The following ACTR3C variants were observed in gnomAD, a reference collection of about 807,000 sequenced individuals.
ACTR3C encodes the protein actin related protein 3C, also known as actin-related protein 3C.
Under a neutral mutation model 26.3 loss-of-function variants are expected in ACTR3C, and 18 were observed. That is an observed-to-expected ratio of 0.68 (90% CI 0.47 to 1.01). The LOEUF is 1.01. Among genes scored for constraint, ACTR3C ranks in the 50% least tolerant of loss-of-function variants. The pLI, the probability that ACTR3C is intolerant of heterozygous loss-of-function variation, is 0.00. For missense variants in ACTR3C, 184 were observed against 250.7 expected, an observed-to-expected ratio of 0.73 and a Z score of 1.80; for synonymous variants, 55 against 94.5, an observed-to-expected ratio of 0.58 and a Z score of 2.42.
chr7:150,290,612 A>G (rs1352513834), intron 3 of ACTR3C, among the ~76,000 whole-genome samples: 2 of 152,252 alleles, frequency 1.3e-5, no homozygotes, highest in African/African-American at 4.8e-5. Flanking sequence ...TAATAGCTGC[A>G]TCTAGTCACC....
chr7:149,892,151 G>T, the ACTR3C span: 3 of 1,098,624 alleles, frequency 2.7e-6, no homozygotes, highest in East Asian at 5.5e-5. Flanking sequence ...TCAAACATAA[G>T]AATTCAAACA....
At chr7:149,988,109 G>T in the ACTR3C span, among the ~76,000 whole-genome samples, 1 of 152,224 alleles carries the variant, frequency 6.6e-6, no homozygotes, top group Admixed American at 6.5e-5. Flanking sequence ...TGCCCCAGTG[G>T]CTCCCCAGCC....
chr7:150,073,724 T>A, the ACTR3C span: 1 of 150,790 alleles, frequency 6.6e-6, no homozygotes, highest in Admixed American at 6.6e-5. Flanking sequence ...TTTCCATTCA[T>A]GTGGACTCTG....
the ACTR3C span, among the ~76,000 whole-genome samples, chr7:149,948,397 G>A: frequency 1.0e-4 from 15 of 150,718 alleles, no homozygotes; most frequent in Middle Eastern, 3.4e-3. Flanking sequence ...TCACCTCATC[G>A]CTCCACTTTC....
the ACTR3C span, among the ~76,000 whole-genome samples, chr7:149,898,855 A>G: frequency 8.1e-3 from 1,232 of 152,230 alleles, 23 homozygotes; most frequent in African/African-American, 0.027. Flanking sequence ...TATTCCAAAT[A>G]TTTTGTCTAT....
chr7:149,940,171 T>C, the ACTR3C span, among the ~76,000 whole-genome samples: 1,129 of 152,340 alleles, frequency 7.4e-3, 11 homozygotes, highest in African/African-American at 0.026. Context: ...CTCCATTAAA[T>C]TCAAGGTCTA....
the ACTR3C span, among the ~76,000 whole-genome samples, chr7:149,899,157 C>A: frequency 2.0e-5 from 3 of 151,574 alleles, no homozygotes; most frequent in African/African-American, 7.3e-5. Context: ...AAATAAGAAC[C>A]TCATAACATA....
chr7:150,177,594 T>A, the ACTR3C span, among the ~76,000 whole-genome samples: 1 of 150,902 alleles, frequency 6.6e-6, no homozygotes, highest in East Asian at 1.9e-4. Flanking sequence ...GATATCTCTG[T>A]TAATTAAGGT....
chr7:149,983,449 G>GTATATATATATATATATATATA, the ACTR3C span, among the ~76,000 whole-genome samples: 10 of 23,304 alleles, frequency 4.3e-4, no homozygotes, highest in African/African-American at 1.0e-3. Flanking sequence ...GTGTGTGTGT[G>GTATATATATATATATATATATA]TATATATATA....
At chr7:150,023,340 T>TACATACATAC in the ACTR3C span, among the ~76,000 whole-genome samples, 33 of 93,508 alleles carry the variant, frequency 3.5e-4, no homozygotes, top group African/African-American at 5.9e-4. Flanking sequence ...CATACATACA[T>TACATACATAC]ATATATTTTA....
chr7:150,214,535 A>G, the ACTR3C span, among the ~76,000 whole-genome samples: 1 of 151,752 alleles, frequency 6.6e-6, no homozygotes, highest in African/African-American at 2.4e-5. Context: ...AGAGAAAAGT[A>G]TCTTGGAAAA....
At chr7:150,237,516 T>C in the ACTR3C span, among the ~76,000 whole-genome samples, 1 of 151,908 alleles carries the variant, frequency 6.6e-6, no homozygotes, top group African/African-American at 2.4e-5. Context: ...CCCACACTGG[T>C]CACTTGACTA....
chr7:150,087,156 T>C, the ACTR3C span, among the ~76,000 whole-genome samples: 4 of 146,422 alleles, frequency 2.7e-5, no homozygotes, highest in East Asian at 7.8e-4. Flanking sequence ...TTTTTTTAAC[T>C]TCTAGAACAA....
chr7:150,066,091 T>C, the ACTR3C span, among the ~76,000 whole-genome samples: 1 of 152,078 alleles, frequency 6.6e-6, no homozygotes, highest in Non-Finnish European at 1.5e-5. Context: ...CCAAAACAAA[T>C]GTTATCTTAA....
At chr7:150,139,500 G>A in the ACTR3C span, among the ~76,000 whole-genome samples, 15 of 152,282 alleles carry the variant, frequency 9.9e-5, no homozygotes, top group Non-Finnish European at 2.1e-4. Flanking sequence ...GAACCATGAT[G>A]AGAGACCTAG....
chr7:149,945,318 A>ACAGGCTGAAGGGTCTTGGGG, the ACTR3C span, among the ~76,000 whole-genome samples: 1 of 118,870 alleles, frequency 8.4e-6, no homozygotes, highest in Non-Finnish European at 1.9e-5. Context: ...TCCATCAGTG[A>ACAGGCTGAAGGGTCTTGGGG]CAACCTCCCA....
At chr7:150,214,124 A>G in the ACTR3C span, among the ~76,000 whole-genome samples, 2 of 152,130 alleles carry the variant, frequency 1.3e-5, no homozygotes, top group African/African-American at 2.4e-5. Flanking sequence ...CAGAGAAACA[A>G]AACAGAATGC....
the ACTR3C span, among the ~76,000 whole-genome samples, chr7:149,913,672 G>A: frequency 4.7e-5 from 7 of 149,996 alleles, no homozygotes; most frequent in African/African-American, 1.2e-4. Flanking sequence ...AACACCCCTC[G>A]CTCACCCGCA....
chr7:150,305,332 A>AC (rs1202806858), intron 1 of ACTR3C, among the ~76,000 whole-genome samples: 5 of 151,498 alleles, frequency 3.3e-5, no homozygotes, highest in African/African-American at 1.2e-4. Flanking sequence ...TACCATTCTC[A>AC]CCCTACGCCC....
Sources: gnomAD v4.1 joint callset for allele counts (sites outside exome capture counted in the v4.1 genomes callset) on GRCh38, gnomAD v4.1.1 for gene constraint, MANE v1.5 for transcripts, NCBI Gene and HGNC (gene_info 2026-07-23, HGNC 2026-07-21) for gene names.